ELAVL2: variants seen among roughly 807,000 people sequenced by gnomAD.
ELAVL2 encodes ELAV-like protein 2.
In ELAVL2, 4 loss-of-function variants were observed where a neutral mutation model predicts 34.6. The ratio of observed to expected loss-of-function variants is 0.12; its 90% CI spans 0.06 to 0.26. The LOEUF is 0.26. ELAVL2 is among the 10% of genes least tolerant of loss of function. The pLI is 1.00. For synonymous variants in ELAVL2, 193 were observed against 154.8 expected (o/e 1.25, Z -1.83); for missense variants, 432 against 442.8 (o/e 0.98, Z 0.22).
the ELAVL2 span, among the ~76,000 whole-genome samples, chr9:23,841,173 G>A: frequency 6.6e-6 from 1 of 152,108 alleles, no homozygotes; most frequent in African/African-American, 2.4e-5. Context: ...AGAGGTGGCA[G>A]CGTAAGCCTA....
chr9:23,781,704 G>C (rs1414744635), intron 1 of ELAVL2, among the ~76,000 whole-genome samples: 1 of 151,336 alleles, frequency 6.6e-6, no homozygotes, highest in Non-Finnish European at 1.5e-5. Flanking sequence ...TTTTTTGTTT[G>C]TTTTTTGAGA....
intron 1 of ELAVL2, among the ~76,000 whole-genome samples, chr9:23,817,371 T>G (rs1453149765): frequency 2.0e-5 from 3 of 152,182 alleles, no homozygotes; most frequent in African/African-American, 7.2e-5. Context: ...CTTCTCTTCA[T>G]AAAGATTTCT....
At chr9:23,773,638 AGAG>A (rs977116362) in intron 1 of ELAVL2, among the ~76,000 whole-genome samples, 9 of 152,314 alleles carry the variant, frequency 5.9e-5, no homozygotes, top group Admixed American at 1.3e-4. Context: ...CACAGGCTGA[AGAG>A]GAGAAGGGAG....
At chr9:23,793,821 T>G (rs2060598290) in intron 1 of ELAVL2, among the ~76,000 whole-genome samples, 2 of 152,208 alleles carry the variant, frequency 1.3e-5, no homozygotes, top group African/African-American at 4.8e-5. Context: ...TTTTCTCCAC[T>G]CATGATCTTC....
intron 1 of ELAVL2, among the ~76,000 whole-genome samples, chr9:23,813,916 T>C (rs555111543): frequency 2.0e-5 from 3 of 152,282 alleles, no homozygotes; most frequent in South Asian, 2.1e-4. Flanking sequence ...TTAGGAAGTA[T>C]AGCATTAGAG....
rs183106719 is a variant in ELAVL2 at position 23,754,698 on chromosome 9, G to A, written c.229+7308C>T. On this transcript the variant is annotated intron_variant, in intron 2 of 6. Transcript: ENST00000397312. ...GGTTGGTCTTGAATTCCTGACCTCCGGTGATTCGCCTGCATTGGCCTTCCA... is the reference window on the plus strand; with the variant it reads ...GGTTGGTCTTGAATTCCTGACCTCCAGTGATTCGCCTGCATTGGCCTTCCA... Among the ~76,000 whole-genome samples the A allele has an allele frequency of 5.5e-4, 84 of 152,162 alleles. 1 individual carries two copies. Among genetic ancestry groups the A allele is most frequent in the Admixed American group, 1.8e-3 (28 of 15,272 alleles).
At chr9:23,697,664 C>A (rs796561091) in intron 5 of ELAVL2, among the ~76,000 whole-genome samples, 37 of 152,136 alleles carry the variant, frequency 2.4e-4, no homozygotes, top group African/African-American at 8.4e-4. Context: ...TGTATCAGAT[C>A]ATTCCTATTT....
intron 3 of ELAVL2, among the ~76,000 whole-genome samples, chr9:23,716,474 A>T (rs1480298015): frequency 6.6e-6 from 1 of 152,200 alleles, no homozygotes; most frequent in Non-Finnish European, 1.5e-5. Context: ...GCATTAAAAC[A>T]AAAACAAAAC....
chr9:23,778,460 C>T (rs1286154358), intron 1 of ELAVL2, among the ~76,000 whole-genome samples: 4 of 152,192 alleles, frequency 2.6e-5, no homozygotes, highest in East Asian at 1.9e-4. Context: ...TTTCTGATTT[C>T]GCTTAATAAA....
At chr9:23,719,921 G>C (rs1404628326) in intron 3 of ELAVL2, among the ~76,000 whole-genome samples, 1 of 151,554 alleles carries the variant, frequency 6.6e-6, no homozygotes, top group Non-Finnish European at 1.5e-5. Flanking sequence ...CGCCTCCCGG[G>C]TTCAAGGGAT....
chr9:23,804,705 C>T (rs1275782626), intron 1 of ELAVL2, among the ~76,000 whole-genome samples: 1 of 152,180 alleles, frequency 6.6e-6, no homozygotes, highest in East Asian at 1.9e-4. Context: ...AGTTTGCAGT[C>T]CCACCAAAGC....
chr9:23,789,420 A>G (rs555092253), intron 1 of ELAVL2, among the ~76,000 whole-genome samples: 4 of 152,248 alleles, frequency 2.6e-5, no homozygotes, highest in South Asian at 4.1e-4. Flanking sequence ...ATTAAAATGC[A>G]TATGTGTCCT....
At chr9:23,721,975 G>C (rs1299339727) in intron 3 of ELAVL2, among the ~76,000 whole-genome samples, 1 of 152,082 alleles carries the variant, frequency 6.6e-6, no homozygotes, top group East Asian at 1.9e-4. Context: ...TGCTATATGG[G>C]GGCTGCTACC....
chr9:23,808,989 A>G (rs1040598153), intron 1 of ELAVL2, among the ~76,000 whole-genome samples: 2 of 152,176 alleles, frequency 1.3e-5, no homozygotes, highest in Non-Finnish European at 1.5e-5. Flanking sequence ...ATTAAAGAGA[A>G]ATGATACGTA....
chr9:23,726,076 G>GA (rs929113508), intron 3 of ELAVL2, among the ~76,000 whole-genome samples: 79 of 146,320 alleles, frequency 5.4e-4, no homozygotes, highest in African/African-American at 1.1e-3. Context: ...ATGCTGAACA[G>GA]AAAAAAAAAA....
At chr9:23,798,850 C>T (rs1390182066) in intron 1 of ELAVL2, among the ~76,000 whole-genome samples, 1 of 152,114 alleles carries the variant, frequency 6.6e-6, no homozygotes, top group Non-Finnish European at 1.5e-5. Flanking sequence ...TAAAAAACTG[C>T]TTCAGGAAAT....
At chr9:23,820,210 G>A (rs2064358643) in intron 1 of ELAVL2, among the ~76,000 whole-genome samples, 3 of 152,198 alleles carry the variant, frequency 2.0e-5, no homozygotes, top group Non-Finnish European at 4.4e-5. Context: ...TTACTTGAGG[G>A]AATGGGGACA....
At chr9:23,714,034 A>T (rs2041694990) in intron 3 of ELAVL2, among the ~76,000 whole-genome samples, 1 of 152,218 alleles carries the variant, frequency 6.6e-6, no homozygotes, top group Non-Finnish European at 1.5e-5. Context: ...ACTATTAGCA[A>T]AGAGCAGAGG....
intron 3 of ELAVL2, among the ~76,000 whole-genome samples, chr9:23,717,515 G>GT (rs1215566445): frequency 6.6e-6 from 1 of 152,220 alleles, no homozygotes; most frequent in Non-Finnish European, 1.5e-5. Flanking sequence ...GTGTTCAGAT[G>GT]TAAGCTTCTC....
Sources: allele counts gnomAD v4.1 joint callset (sites outside exome capture counted in the v4.1 genomes callset), GRCh38; gene constraint gnomAD v4.1.1; transcripts MANE v1.5; gene names NCBI Gene and HGNC (gene_info 2026-07-23, HGNC 2026-07-21).